MRPL3: variants seen among roughly 807,000 people sequenced by gnomAD.
MRPL3 encodes mitochondrial ribosomal protein L3.
In MRPL3, 43 loss-of-function variants were observed where a neutral mutation model predicts 44.3. That is an observed-to-expected ratio of 0.97 (90% confidence interval 0.76 to 1.25). MRPL3 has a LOEUF of 1.25. MRPL3 is among the 50% of genes most tolerant of loss of function. The pLI, the probability that MRPL3 is intolerant of heterozygous loss-of-function variation, is 0.00. For missense variants in MRPL3, 406 were observed against 427.6 expected (o/e 0.95, Z 0.45); for synonymous variants, 171 against 152.3 (o/e 1.12, Z -0.91).
intron 5 of MRPL3, 148 bp from the exon 6 acceptor site, chr3:131,487,888 A>G (rs1934165808): frequency 3.2e-6 from 2 of 616,418 alleles, no homozygotes; most frequent in Non-Finnish European, 5.6e-6. Context: ...CCAAACAATG[A>G]AATTATTCAA....
chr3:131,491,442 T>G (rs1364733215), intron 4 of MRPL3, among the ~76,000 whole-genome samples: 1 of 152,188 alleles, frequency 6.6e-6, no homozygotes, highest in Non-Finnish European at 1.5e-5. Flanking sequence ...CTTTGAACTA[T>G]ACATTCACAT....
intron 6 of MRPL3, among the ~76,000 whole-genome samples, chr3:131,472,623 A>C (rs1933764655): frequency 6.6e-6 from 1 of 152,174 alleles, no homozygotes; most frequent in Admixed American, 6.5e-5. Flanking sequence ...AAAGGTATCC[A>C]AATTGTAAAG....
At chr3:131,483,173 C>T (rs1934032774) in intron 6 of MRPL3, among the ~76,000 whole-genome samples, 1 of 152,044 alleles carries the variant, frequency 6.6e-6, no homozygotes, top group South Asian at 2.1e-4. Context: ...AGACTCTAAA[C>T]CATCATCTAT....
intron 6 of MRPL3, among the ~76,000 whole-genome samples, chr3:131,472,871 G>C (rs1933770687): frequency 6.6e-6 from 1 of 151,990 alleles, no homozygotes; most frequent in South Asian, 2.1e-4. Context: ...GGAAGTGAAA[G>C]ATTTCTACAC....
chr3:131,471,333 C>A, intron 6 of MRPL3, 54 bp from the exon 7 acceptor site: 2 of 1,191,614 alleles, frequency 1.7e-6, no homozygotes, highest in South Asian at 1.2e-5. Flanking sequence ...AGACCATTCC[C>A]AATTGTACAC....
At chr3:131,494,020 G>C in intron 4 of MRPL3, among the ~76,000 whole-genome samples, 1 of 152,176 alleles carries the variant, frequency 6.6e-6, no homozygotes, top group East Asian at 1.9e-4. Context: ...AACTTACTCA[G>C]TTGCCTATAG....
intron 6 of MRPL3, among the ~76,000 whole-genome samples, chr3:131,486,452 T>C (rs1403884172): frequency 1.3e-5 from 2 of 151,258 alleles, no homozygotes; most frequent in Non-Finnish European, 2.9e-5. Flanking sequence ...AAATTTTTTT[T>C]TTTTTTTATT....
At chr3:131,480,544 G>A (rs998200666) in intron 6 of MRPL3, among the ~76,000 whole-genome samples, 1 of 152,140 alleles carries the variant, frequency 6.6e-6, no homozygotes, top group Non-Finnish European at 1.5e-5. Context: ...CACTGCTTAC[G>A]GCTTTTCTGA....
At chr3:131,478,414 T>C (rs1163861031) in intron 6 of MRPL3, among the ~76,000 whole-genome samples, 6 of 152,124 alleles carry the variant, frequency 3.9e-5, no homozygotes, top group Admixed American at 1.3e-4. Flanking sequence ...AAATTTGTAC[T>C]CTGCTTTAAA....
rs547604069 is a variant in MRPL3, at chr3:131,498,059, A to C, written c.468+120T>G. ...GTGCCAGACTGCCTCCCCCAAATAC[A>C]CAATTTACCTCACAAACAAATGCAA... On this transcript the variant is annotated intron_variant, in intron 4 of 9. Coordinates refer to ENST00000264995, the MANE Select transcript of MRPL3 (RefSeq NM_007208.4). 5 of 781,868 alleles carry C rather than the reference A, an allele frequency of 6.4e-6. No homozygotes were observed. In the Admixed American group the frequency reaches 7.2e-5, roughly 11 times the overall value. 48.4% of individuals were successfully genotyped at this position (781,868 alleles called of 1,614,324 possible). A position where few individuals can be genotyped will look rare whatever the true frequency, so the allele number is the denominator to read the frequency against.
chr3:131,497,775 T>TTTC (rs1475038810), intron 4 of MRPL3, among the ~76,000 whole-genome samples: 1 of 152,184 alleles, frequency 6.6e-6, no homozygotes, highest in East Asian at 1.9e-4. Flanking sequence ...TTAAGACAAT[T>TTTC]TTCCATAGGA....
At chr3:131,485,201 GT>G (rs1338285026) in intron 6 of MRPL3, among the ~76,000 whole-genome samples, 3 of 152,136 alleles carry the variant, frequency 2.0e-5, no homozygotes, top group African/African-American at 7.2e-5. Context: ...GGCAGCTGAA[GT>G]TTTAAAAATC....
chr3:131,466,511 CTTTT>C, intron 9 of MRPL3, among the ~76,000 whole-genome samples: 1 of 151,966 alleles, frequency 6.6e-6, no homozygotes, highest in South Asian at 2.1e-4. Context: ...AAATTTTTTA[CTTTT>C]TTCTTTTTTT....
chr3:131,474,818 C>A (rs1170136154), intron 6 of MRPL3, among the ~76,000 whole-genome samples: 2 of 147,370 alleles, frequency 1.4e-5, no homozygotes, highest in East Asian at 4.0e-4. Context: ...GCCAACCACG[C>A]TGGAGTGCAG....
intron 6 of MRPL3, among the ~76,000 whole-genome samples, chr3:131,485,708 C>T (rs1352312984): frequency 1.3e-5 from 2 of 151,992 alleles, no homozygotes; most frequent in African/African-American, 2.4e-5. Context: ...CATCTTATTA[C>T]CAATCTATCC....
chr3:131,478,421 T>TA (rs950533797), intron 6 of MRPL3, among the ~76,000 whole-genome samples: 121 of 151,496 alleles, frequency 8.0e-4, no homozygotes, highest in African/African-American at 2.5e-3. Flanking sequence ...TACTCTGCTT[T>TA]AAAAAAAAAC....
intron 3 of MRPL3, among the ~76,000 whole-genome samples, chr3:131,499,938 C>T (rs944011653): frequency 6.6e-6 from 1 of 152,272 alleles, no homozygotes; most frequent in East Asian, 1.9e-4. Flanking sequence ...AAGGAACACA[C>T]TAGTAAGTGG....
At position 131,502,842 on chromosome 3, in the gene MRPL3, G is replaced by A. The variant is rs779664376; in HGVS notation, c.-21C>T. ...GGCATGGATTAGCCCGGGAAGACTC[G>A]ACTCACGACTTCCGGGCGCCCTGCC... On this transcript the variant is annotated 5_prime_UTR_variant, in exon 1 of 10. Transcript: ENST00000264995. 2 of 1,607,180 alleles carry A rather than the reference G, an allele frequency of 1.2e-6. No homozygotes were observed. The highest frequency in any genetic ancestry group is 1.7e-6 in the Non-Finnish European group (2 of 1,176,826).
At chr3:131,478,206 G>A (rs2110701492) in intron 6 of MRPL3, among the ~76,000 whole-genome samples, 1 of 152,192 alleles carries the variant, frequency 6.6e-6, no homozygotes, top group East Asian at 1.9e-4. Context: ...GAAGTTATTA[G>A]TAATAAGCTG....
Sources: allele counts gnomAD v4.1 joint callset (sites outside exome capture counted in the v4.1 genomes callset), GRCh38; gene constraint gnomAD v4.1.1; transcripts MANE v1.5; gene names NCBI Gene and HGNC (gene_info 2026-07-23, HGNC 2026-07-21).